Variants in ITGA9 observed in about 807,000 individuals in gnomAD.
ITGA9 encodes the protein integrin subunit alpha 9, also known as integrin alpha-9.
A neutral mutation model predicts 127.8 loss-of-function variants in ITGA9; 56 were observed. That is an observed-to-expected ratio of 0.44 (90% CI 0.35 to 0.55). The LOEUF is 0.55. Among genes scored for constraint, ITGA9 ranks in the 20% least tolerant of loss-of-function variants. ITGA9 has a pLI of 0.00. For missense variants in ITGA9, 1,196 were observed against 1,347.1 expected, an observed-to-expected ratio of 0.89 and a Z score of 1.76; for synonymous variants, 508 against 514.5, an observed-to-expected ratio of 0.99 and a Z score of 0.17.
rs1325616412 is a variant in ITGA9, at chr3:37,683,940, C to T, written c.1992C>T (p.Leu664=). Residue 664 remains leucine (L), a synonymous_variant, in exon 18 of 28, where the codon CTC becomes CTT. Coordinates refer to ENST00000264741, the MANE Select transcript of ITGA9 (RefSeq NM_002207.3). ...CCCTAAACATCTCTATCTCCAACCT[C>T]GGAGATGATGCCTATGATGCCAACG... The part of the protein sequence containing the change: ...NISLNISISN[L]GDDAYDANVS... 21 of 1,612,974 alleles carry T rather than the reference C, an allele frequency of 1.3e-5. No individual in the cohort carries two copies. Among genetic ancestry groups the T allele is most frequent in the East Asian group, 2.2e-5 (1 of 44,894 alleles).
At chr3:37,677,763 C>G (rs1006712242) in intron 17 of ITGA9, among the ~76,000 whole-genome samples, 1 of 152,188 alleles carries the variant, frequency 6.6e-6, no homozygotes, top group Non-Finnish European at 1.5e-5. Context: ...GGGCCCCCTT[C>G]CAGCTGTCAA....
rs1697492416 is a variant in ITGA9 at position 37,819,958 on chromosome 3, A to G, written c.*969A>G. On this transcript the variant is annotated 3_prime_UTR_variant, in exon 28 of 28. Transcript: ENST00000264741. ...TGCCTTTTTGTGGTAATTTTCATTG[A>G]GAGATCTTCATTTCCCCTACCACCC... The G allele has an allele frequency of 1.3e-5, 2 of 152,200 alleles. No individual in the cohort carries two copies. The highest frequency in any genetic ancestry group is 2.9e-5 in the Non-Finnish European group (2 of 68,052). The allele number at this position is 152,200 out of a possible 1,614,324, so 9.4% of individuals were successfully genotyped here. A position where few individuals can be genotyped will look rare whatever the true frequency, so the allele number is the denominator to read the frequency against.
At chr3:37,521,240 G>A (rs1422277002) in intron 11 of ITGA9, among the ~76,000 whole-genome samples, 2 of 152,222 alleles carry the variant, frequency 1.3e-5, no homozygotes, top group Non-Finnish European at 2.9e-5. Context: ...TGCAGGCCCA[G>A]GTCCTGGACA....
chr3:37,797,674 A>G (rs1247894319), intron 26 of ITGA9, among the ~76,000 whole-genome samples: 1 of 152,218 alleles, frequency 6.6e-6, no homozygotes, highest in Non-Finnish European at 1.5e-5. Flanking sequence ...AAGGGTTCCT[A>G]CTGTATTGCT....
At chr3:37,543,364 T>C (rs1006513879) in intron 15 of ITGA9, among the ~76,000 whole-genome samples, 2 of 152,122 alleles carry the variant, frequency 1.3e-5, no homozygotes, top group African/African-American at 4.8e-5. Flanking sequence ...TGGAGACACA[T>C]AGATCCAGTG....
intron 22 of ITGA9, chr3:37,748,763 A>G: frequency 3.1e-6 from 2 of 643,250 alleles, no homozygotes; most frequent in South Asian, 3.5e-5. Context: ...AAAAAAAAAA[A>G]AAAAGAAGGA....
At chr3:37,718,943 T>G (rs1701162100) in intron 18 of ITGA9, among the ~76,000 whole-genome samples, 1 of 152,190 alleles carries the variant, frequency 6.6e-6, no homozygotes, top group African/African-American at 2.4e-5. Context: ...TATGCAGTGA[T>G]CAGCCTGCAC....
intron 15 of ITGA9, among the ~76,000 whole-genome samples, chr3:37,548,371 C>T (rs771146256): frequency 3.2e-4 from 49 of 152,202 alleles, no homozygotes; most frequent in Non-Finnish European, 6.6e-4. Flanking sequence ...ATTCTAAGAT[C>T]GTGGTTGTAG....
chr3:37,461,741 C>T (rs1216835133), intron 1 of ITGA9, among the ~76,000 whole-genome samples: 1 of 152,196 alleles, frequency 6.6e-6, no homozygotes, highest in African/African-American at 2.4e-5. Context: ...CATTCATTTA[C>T]ACCCTGTCTG....
intron 27 of ITGA9, among the ~76,000 whole-genome samples, chr3:37,812,270 G>A (rs1257814436): frequency 6.6e-6 from 1 of 152,198 alleles, no homozygotes; most frequent in East Asian, 1.9e-4. Flanking sequence ...AAATAGTCAA[G>A]TAACTGAAGA....
intron 16 of ITGA9, among the ~76,000 whole-genome samples, chr3:37,637,440 T>C (rs1559555144): frequency 6.6e-6 from 1 of 152,158 alleles, no homozygotes; most frequent in Non-Finnish European, 1.5e-5. Flanking sequence ...TGTTTGTCTG[T>C]TATTGGTGTA....
At chr3:37,482,291 G>A (rs1698565663) in intron 4 of ITGA9, among the ~76,000 whole-genome samples, 1 of 152,216 alleles carries the variant, frequency 6.6e-6, no homozygotes, top group African/African-American at 2.4e-5. Context: ...TCCTCGCCAA[G>A]GGGCACTTGG....
chr3:37,641,533 T>A lies in ITGA9; in HGVS notation c.1840-12181T>A, dbSNP rs142360788. 2.2e-3 allele frequency among the ~76,000 whole-genome samples: 338 copies of A among 152,212 alleles called. 1 individual carries two copies. The highest frequency in any genetic ancestry group is 7.3e-3 in the African/African-American group (305 of 41,550). On this transcript the variant is annotated intron_variant, in intron 16 of 27. Coordinates refer to ENST00000264741, the MANE Select transcript of ITGA9 (RefSeq NM_002207.3). ...AACTCGGGAGCCAGCCGCACCACCA[T>A]GAGCCCAGATAGCATGAGTCCCTTC...
At chr3:37,624,433 G>T (rs1700157514) in intron 15 of ITGA9, among the ~76,000 whole-genome samples, 1 of 151,726 alleles carries the variant, frequency 6.6e-6, no homozygotes, top group African/African-American at 2.4e-5. Context: ...CCTGGTGCAA[G>T]CCCTTACTCT....
At chr3:37,623,894 A>C (rs4678980) in intron 15 of ITGA9, among the ~76,000 whole-genome samples, 34,407 of 152,126 alleles carry the variant, frequency 0.23, 4,129 homozygotes, top group African/African-American at 0.28. Context: ...AGGAAAAGGC[A>C]TCCCACTTCT....
chr3:37,544,890 A>G (rs760271322), intron 15 of ITGA9, among the ~76,000 whole-genome samples: 17 of 152,262 alleles, frequency 1.1e-4, no homozygotes, highest in South Asian at 1.0e-3. Context: ...GCCATACTTT[A>G]TAACCATGAG....
chr3:37,693,102 C>T (rs563774648), intron 18 of ITGA9, among the ~76,000 whole-genome samples: 48 of 152,270 alleles, frequency 3.2e-4, no homozygotes, highest in African/African-American at 7.0e-4. Flanking sequence ...CATGCTCTAG[C>T]GCACAGAGCA....
At chr3:37,540,528 A>G (rs1445386653) in intron 14 of ITGA9, among the ~76,000 whole-genome samples, 1 of 152,234 alleles carries the variant, frequency 6.6e-6, no homozygotes, top group African/African-American at 2.4e-5. Flanking sequence ...AGTAATGTAC[A>G]ACATGCAGCA....
rs984268969 is a variant in ITGA9, at chr3:37,525,934, G to A, written c.1328-92G>A. On this transcript the variant is annotated intron_variant, in intron 12 of 27. Transcript: ENST00000264741. The stretch of plus-strand genomic sequence containing the variant: ...CGTCTGAGGGCTCTCCGGCCTCAAG[G>A]CTGGGTCTCCATCCTTGTGAGCGCA... 7 of 1,026,138 alleles carry A rather than the reference G, an allele frequency of 6.8e-6. No individual in the cohort carries two copies. The South Asian group carries it at 8.8e-5, about 13-fold the overall frequency. 63.6% of individuals were successfully genotyped at this position (1,026,138 alleles called of 1,614,324 possible). A position where few individuals can be genotyped will look rare whatever the true frequency, so the allele number is the denominator to read the frequency against.
Sources: allele counts gnomAD v4.1 joint callset (sites outside exome capture counted in the v4.1 genomes callset), GRCh38; gene constraint gnomAD v4.1.1; transcripts MANE v1.5; gene names NCBI Gene and HGNC (gene_info 2026-07-23, HGNC 2026-07-21).